GPHN: variants seen among roughly 807,000 people sequenced by gnomAD.
GPHN encodes the protein gephyrin.
In GPHN, 17 loss-of-function variants were observed where a neutral mutation model predicts 95.5. The observed-to-expected ratio is 0.18, with a 90% confidence interval of 0.12 to 0.27. The LOEUF (loss-of-function observed/expected upper bound fraction) is 0.27, where lower values mean the gene tolerates loss of function less well. GPHN is among the 10% of genes least tolerant of loss of function. GPHN has a pLI of 1.00. For synonymous variants in GPHN, 320 were observed against 322.5 expected (o/e 0.99, Z 0.08); for missense variants, 660 against 978.1 (o/e 0.67, Z 4.34).
intron 9 of GPHN, among the ~76,000 whole-genome samples, chr14:66,979,170 C>T (rs762915274): frequency 4.6e-5 from 7 of 152,298 alleles, no homozygotes; most frequent in Middle Eastern, 6.8e-3. Flanking sequence ...CACTAATCAT[C>T]GGCTTCCACT....
chr14:66,987,679 G>T (rs2071116318), intron 9 of GPHN, among the ~76,000 whole-genome samples: 1 of 151,968 alleles, frequency 6.6e-6, no homozygotes, highest in Non-Finnish European at 1.5e-5. Flanking sequence ...GATTTATAAG[G>T]ATGGTTATAG....
chr14:67,103,202 C>A (rs1366092251), intron 13 of GPHN, among the ~76,000 whole-genome samples: 1 of 152,152 alleles, frequency 6.6e-6, no homozygotes, highest in Admixed American at 6.6e-5. Flanking sequence ...GTTCTCTATT[C>A]TGATCCATTG....
In GPHN at chr14:67,164,502, C is replaced by CT. The variant is rs113018140; in HGVS notation, c.1911-651dup. Among the ~76,000 whole-genome samples, 20 of 150,664 alleles carry CT rather than the reference C, an allele frequency of 1.3e-4. 2 individuals carry two copies. The highest frequency in any genetic ancestry group is 3.9e-4 in the African/African-American group (16 of 41,118). On this transcript the variant is annotated intron_variant, in intron 19 of 22. Coordinates refer to ENST00000478722, the MANE Select transcript of GPHN (RefSeq NM_020806.5). ...GACATATTATCAGGTAATCTGCTTT[C>CT]TTTTTTTTTGAGATGGAGTCTTGCT...
In GPHN at chr14:66,778,726, C is replaced by CTTT. The variant is rs759940498; in HGVS notation, c.201+2231_201+2233dup. Among the ~76,000 whole-genome samples the CTTT allele has an allele frequency of 1.1e-3, 64 of 59,352 alleles. 1 individual carries two copies. The highest frequency in any genetic ancestry group is 1.4e-3 in the South Asian group (2 of 1,470). The allele number at this position is 59,352 out of a possible 152,430, so 38.9% of individuals were successfully genotyped here. Reference sequence around the variant, plus strand: ...ATTCTATGACTCAAGACTCAAGGGGCTTTTTTTTTTTTTTTTTTTTTTTTT... The same window carrying CTTT: ...ATTCTATGACTCAAGACTCAAGGGGCTTTTTTTTTTTTTTTTTTTTTTTTTTTT... On this transcript the variant is annotated intron_variant, in intron 3 of 22. Transcript: ENST00000478722.
intron 4 of GPHN, among the ~76,000 whole-genome samples, chr14:66,864,175 A>T (rs1348014071): frequency 6.6e-6 from 1 of 152,218 alleles, no homozygotes; most frequent in Non-Finnish European, 1.5e-5. Flanking sequence ...GACATTTCTC[A>T]AAAGAAGATG....
intron 9 of GPHN, among the ~76,000 whole-genome samples, chr14:67,007,217 C>T (rs751809553): frequency 6.6e-6 from 1 of 151,982 alleles, no homozygotes; most frequent in Non-Finnish European, 1.5e-5. Flanking sequence ...ACAGTTTCAC[C>T]TTGAAAATAT....
At chr14:67,555,919 C>T in the GPHN span, 1 of 1,608,726 alleles carries the variant, frequency 6.2e-7, no homozygotes, top group Non-Finnish European at 8.5e-7. Context: ...CGGGAATATG[C>T]AGGGGAATGA....
chr14:67,152,557 G>A (rs1237336963), intron 18 of GPHN, among the ~76,000 whole-genome samples: 1 of 152,148 alleles, frequency 6.6e-6, no homozygotes, highest in African/African-American at 2.4e-5. Flanking sequence ...AGGTAATCAG[G>A]TAATCAAGAA....
At chr14:67,410,430 GGAGCTCCC>G in the GPHN span, among the ~76,000 whole-genome samples, 9 of 152,148 alleles carry the variant, frequency 5.9e-5, no homozygotes, top group African/African-American at 1.7e-4. Flanking sequence ...TGTGAGATTA[GGAGCTCCC>G]CATGTGTAGT....
chr14:67,513,815 C>G, the GPHN span, among the ~76,000 whole-genome samples: 2 of 152,182 alleles, frequency 1.3e-5, no homozygotes, highest in African/African-American at 2.4e-5. Context: ...AAAGGGCTAT[C>G]CTGCCACAGG....
chr14:66,514,643 G>T lies in GPHN; in HGVS notation c.64+6052G>T, dbSNP rs188815063. On this transcript the variant is annotated intron_variant, in intron 1 of 22. Coordinates refer to ENST00000478722, the MANE Select transcript of GPHN (RefSeq NM_020806.5). Reference sequence around the variant, plus strand: ...GTAGGTTATACATAAAAATGCAAGAGAATAAGAAATAGAATAATGATCAAA... The same window carrying T: ...GTAGGTTATACATAAAAATGCAAGATAATAAGAAATAGAATAATGATCAAA... Among the ~76,000 whole-genome samples, 29 of 152,120 alleles carry T rather than the reference G, an allele frequency of 1.9e-4. No individual in the cohort carries two copies. The East Asian group carries it at 5.6e-3, about 29-fold the overall frequency.
intron 10 of GPHN, among the ~76,000 whole-genome samples, chr14:67,030,763 A>G (rs1239176498): frequency 6.6e-6 from 1 of 152,088 alleles, no homozygotes; most frequent in Admixed American, 6.6e-5. Flanking sequence ...CACCCTAAGC[A>G]TCTTGCAAGA....
rs1165081112 is a variant in GPHN, at chr14:67,144,260, T to TAC, written c.1836+812_1836+813insCA. On this transcript the variant is annotated intron_variant, in intron 18 of 22. Transcript: ENST00000478722. The stretch of plus-strand genomic sequence containing the variant: ...TTAAAAAAAAAAAAAAATATATATA[T>TAC]ATATATATATATATATATATATATA... Among the ~76,000 whole-genome samples, 18 of 83,042 alleles carry TAC rather than the reference T, an allele frequency of 2.2e-4. 4 individuals carry two copies. Among genetic ancestry groups the TAC allele is most frequent in the African/African-American group, 1.2e-3 (16 of 12,812 alleles). 54.5% of individuals were successfully genotyped at this position (83,042 alleles called of 152,430 possible).
chr14:66,950,897 T>C (rs535240060), intron 8 of GPHN, among the ~76,000 whole-genome samples: 1 of 152,162 alleles, frequency 6.6e-6, no homozygotes, highest in East Asian at 1.9e-4. Context: ...GGAAATAAAA[T>C]CCTAAGGTTT....
At chr14:67,224,888 A>T in the GPHN span, 1 of 387,000 alleles carries the variant, frequency 2.6e-6, no homozygotes, top group South Asian at 3.3e-5. Flanking sequence ...AAAAGGAGGG[A>T]GCCCTCTAAA....
At chr14:66,957,278 C>T (rs1255169819) in intron 8 of GPHN, among the ~76,000 whole-genome samples, 1 of 147,808 alleles carries the variant, frequency 6.8e-6, no homozygotes, top group Non-Finnish European at 1.5e-5. Context: ...TCACTGAAAC[C>T]TCCACCTCCT....
chr14:67,186,431 G>C (rs967764445), downstream of GPHN, among the ~76,000 whole-genome samples: 6 of 152,244 alleles, frequency 3.9e-5, no homozygotes, highest in Middle Eastern at 3.4e-3. Context: ...ATGTTAAATA[G>C]GTGTTGGAGG....
At chr14:67,379,648 C>CTTTTACTTTTT in the GPHN span, among the ~76,000 whole-genome samples, 10 of 135,324 alleles carry the variant, frequency 7.4e-5, no homozygotes, top group African/African-American at 3.1e-4. Context: ...TTCTTTTTTT[C>CTTTTACTTTTT]TTTTTCTTTT....
At chr14:67,086,178 C>T (rs376134457) in intron 11 of GPHN, among the ~76,000 whole-genome samples, 4 of 152,234 alleles carry the variant, frequency 2.6e-5, no homozygotes, top group East Asian at 1.9e-4. Context: ...TGTACAGATA[C>T]GTGTTCAATT....
Sources: allele counts gnomAD v4.1 joint callset (sites outside exome capture counted in the v4.1 genomes callset), GRCh38; gene constraint gnomAD v4.1.1; transcripts MANE v1.5; gene names NCBI Gene and HGNC (gene_info 2026-07-23, HGNC 2026-07-21).